ZNF43: variants seen among roughly 807,000 people sequenced by gnomAD.
ZNF43 encodes the protein zinc finger protein 39-like 1 (KOX 27).
A neutral mutation model predicts 68.4 loss-of-function variants in ZNF43; 44 were observed. The ratio of observed to expected loss-of-function variants is 0.64; its 90% CI spans 0.51 to 0.83. The LOEUF (loss-of-function observed/expected upper bound fraction) is 0.83, where lower values mean the gene tolerates loss of function less well. Ranked by LOEUF, ZNF43 falls within the 40% of genes least tolerant of loss-of-function variation. The pLI is 0.00. For missense variants in ZNF43, 896 were observed against 933.2 expected (o/e 0.96, Z 0.52); for synonymous variants, 308 against 307.8 (o/e 1.00, Z -0.01).
Position 21,819,141 on chromosome 19 carries a change from T to C in ZNF43, c.84A>G (p.Leu28=). ...AGTTCTCTAACATCACATTCCTATA[T>C]AAATTCTGCTGTGCAATGTCCAGGC... ...WQCLDIAQQN[L]YRNVMLENYR... Residue 28 remains leucine (L), a synonymous_variant, in exon 2 of 4, where the codon TTA becomes TTG. Coordinates refer to ENST00000354959, the MANE Select transcript of ZNF43 (RefSeq NM_003423.4). The C allele has an allele frequency of 6.2e-7, 1 of 1,611,714 alleles. No homozygotes were observed. The highest frequency in any genetic ancestry group is 2.2e-5 in the East Asian group (1 of 44,842).
At position 21,808,322 on chromosome 19, in the gene ZNF43, C is replaced by T. The variant is rs755009019; in HGVS notation, c.1715G>A (p.Gly572Asp). The T allele has an allele frequency of 1.1e-5, 17 of 1,613,180 alleles. No homozygotes were observed. The South Asian group carries it at 1.5e-4, about 15-fold the overall frequency. Residue 572 changes from glycine (G) to aspartate (D), a missense_variant, in exon 4 of 4, where the codon GGC (glycine) becomes GAC (aspartate). Physicochemically the swap from Gly to Asp is moderately conservative, Grantham distance 94. Transcript: ENST00000354959. Reference protein sequence around the residue: ...GEKPYKCEECGKAFTQSSNLT... With the variant: ...GEKPYKCEECDKAFTQSSNLT... ...GTTTGAGGATTGGGTAAAAGCTTTG[C>T]CACATTCTTCACACTTGTAGGGTTT...
intron 1 of ZNF43, among the ~76,000 whole-genome samples, chr19:21,851,595 C>T (rs1455799668): frequency 6.6e-6 from 1 of 151,754 alleles, no homozygotes; most frequent in East Asian, 1.9e-4. Flanking sequence ...CCCAGGGCCG[C>T]AGCTCCTCCT....
chr19:21,840,975 C>G (rs1967490010), upstream of ZNF43: 1 of 152,162 alleles, frequency 6.6e-6, no homozygotes, highest in African/African-American at 2.4e-5. Flanking sequence ...ATGACAGTCA[C>G]AATTTTTACT....
chr19:21,825,514 G>GT (rs976374499), intron 1 of ZNF43, among the ~76,000 whole-genome samples: 14 of 151,730 alleles, frequency 9.2e-5, no homozygotes, highest in South Asian at 8.4e-4. Flanking sequence ...TCAGATTAAA[G>GT]TTTTTTTTTA....
At chr19:21,833,808 T>A (rs2435049) in intron 1 of ZNF43, among the ~76,000 whole-genome samples, 56,898 of 151,414 alleles carry the variant, frequency 0.38, 10,871 homozygotes, top group African/African-American at 0.45. Context: ...CAGGTGGATC[T>A]CCTGAGGTCG....
intron 1 of ZNF43, among the ~76,000 whole-genome samples, chr19:21,846,024 A>C (rs1213925075): frequency 6.6e-6 from 1 of 152,006 alleles, no homozygotes; most frequent in Non-Finnish European, 1.5e-5. Flanking sequence ...CATTACCTAA[A>C]TGCTGCATCC....
chr19:21,832,637 C>T (rs2038477674), intron 1 of ZNF43, among the ~76,000 whole-genome samples: 1 of 111,682 alleles, frequency 9.0e-6, no homozygotes. Context: ...GAGGCCAAGG[C>T]AGGCAGATAA....
chr19:21,808,034 T>C lies in ZNF43; in HGVS notation c.2003A>G (p.His668Arg), dbSNP rs777710370. The C allele has an allele frequency of 3.1e-6, 5 of 1,612,968 alleles. No homozygotes were observed. The highest frequency in any genetic ancestry group is 4.2e-6 in the Non-Finnish European group (5 of 1,179,922). Residue 668 changes from histidine to arginine, a missense_variant, in exon 4 of 4, where the codon CAT becomes CGT. Transcript: ENST00000354959. ...AFKWSSTLTK[H>R]KIIHTGEKPY... ...TTTCTCTCCAGTATGAATTATCTTA[T>C]GTTTAGTAAGGGTTGAGGACCACTT...
chr19:21,852,028 G>A, exon 1 of ZNF43: 2 of 1,392,944 alleles, frequency 1.4e-6, no homozygotes, highest in Non-Finnish European at 1.9e-6. Context: ...ACGCGGAAAA[G>A]CAGAGGCGGG....
intron 3 of ZNF43, among the ~76,000 whole-genome samples, chr19:21,811,253 C>T (rs2145174559): frequency 6.6e-6 from 1 of 151,900 alleles, no homozygotes; most frequent in Non-Finnish European, 1.5e-5. Context: ...ATAGCCAAGC[C>T]AGGCATGGTG....
chr19:21,817,921 T>C lies in ZNF43; in HGVS notation c.196A>G (p.Met66Val), dbSNP rs2037608352. 6.8e-6 allele frequency: 11 copies of C among 1,613,226 alleles called. No individual in the cohort carries two copies. The highest frequency in any genetic ancestry group is 8.5e-6 in the Non-Finnish European group (10 of 1,179,390). ...LEQEKEPWEP[M>V]RRHEMVAKPP... is the part of the protein sequence containing the mutation. Reference sequence around the variant, plus strand: ...TTGGCTACCATTTCATGTCTCCTCATAGGCTCCCAAGGCTCTTTTTCTTGC... The same window carrying C: ...TTGGCTACCATTTCATGTCTCCTCACAGGCTCCCAAGGCTCTTTTTCTTGC... The change falls in exon 3 of 4, where the codon ATG becomes GTG. Residue 66 changes from methionine (M) to valine (V), a missense_variant. Physicochemically the swap from Met to Val is conservative, Grantham distance 21. Transcript: ENST00000354959.
At chr19:21,820,059 C>T (rs1208456670) in intron 1 of ZNF43, among the ~76,000 whole-genome samples, 1 of 151,312 alleles carries the variant, frequency 6.6e-6, no homozygotes, top group Non-Finnish European at 1.5e-5. Flanking sequence ...ATTAGCCAAG[C>T]GTGGTAGCAC....
intron 3 of ZNF43, among the ~76,000 whole-genome samples, chr19:21,815,486 C>CAT (rs58951070): frequency 0.053 from 7,345 of 139,460 alleles, 270 homozygotes; most frequent in African/African-American, 0.08. Flanking sequence ...AACTAAATTA[C>CAT]ATATATATAT....
intron 1 of ZNF43, among the ~76,000 whole-genome samples, chr19:21,842,887 C>A (rs904569173): frequency 2.8e-4 from 43 of 152,016 alleles, no homozygotes; most frequent in African/African-American, 1.0e-3. Flanking sequence ...TACGTCACCC[C>A]CTCTTCTGTG....
intron 1 of ZNF43, among the ~76,000 whole-genome samples, chr19:21,835,080 T>G (rs927340138): frequency 6.7e-6 from 1 of 149,632 alleles, no homozygotes; most frequent in Non-Finnish European, 1.5e-5. Flanking sequence ...ATCCCGTCTT[T>G]ACTAAAAATA....
chr19:21,819,056 T>C lies in ZNF43; in HGVS notation c.130+39A>G, dbSNP rs368600779. The C allele has an allele frequency of 8.8e-6, 14 of 1,583,222 alleles. No homozygotes were observed. In the African/African-American group the frequency reaches 9.6e-5, roughly 11 times the overall value. ...CTACAGAAAACAAAAATGAAATCTTTAGGGTATATTAGGAATTGAGTATTG... is the reference window on the plus strand; with the variant it reads ...CTACAGAAAACAAAAATGAAATCTTCAGGGTATATTAGGAATTGAGTATTG... On this transcript the variant is annotated intron_variant, in intron 2 of 3. Coordinates refer to ENST00000354959, the MANE Select transcript of ZNF43 (RefSeq NM_003423.4).
At chr19:21,815,076 T>C (rs977474932) in intron 3 of ZNF43, among the ~76,000 whole-genome samples, 1 of 151,760 alleles carries the variant, frequency 6.6e-6, no homozygotes, top group African/African-American at 2.4e-5. Flanking sequence ...TAATCCCAGC[T>C]ACTCAGGAGG....
At chr19:21,814,934 T>C (rs950036897) in intron 3 of ZNF43, among the ~76,000 whole-genome samples, 2 of 151,692 alleles carry the variant, frequency 1.3e-5, no homozygotes, top group Non-Finnish European at 2.9e-5. Context: ...ATGCCTGTAA[T>C]CCCAGCACTT....
intron 3 of ZNF43, among the ~76,000 whole-genome samples, chr19:21,815,504 TA>T (rs1402080379): frequency 2.7e-5 from 4 of 149,906 alleles, no homozygotes; most frequent in East Asian, 1.9e-4. Context: ...TATATATATA[TA>T]TATTTTGCAG....
Sources: gnomAD v4.1 joint callset for allele counts (sites outside exome capture counted in the v4.1 genomes callset) on GRCh38, gnomAD v4.1.1 for gene constraint, MANE v1.5 for transcripts, NCBI Gene and HGNC (gene_info 2026-07-23, HGNC 2026-07-21) for gene names.